IL1RAPL2: variants seen among roughly 807,000 people sequenced by gnomAD.
IL1RAPL2 encodes the protein X-linked interleukin-1 receptor accessory protein-like 2.
IL1RAPL2 carries 3 observed loss-of-function variants against 44.1 expected under a neutral mutation model. The ratio of observed to expected loss-of-function variants is 0.07; its 90% CI spans 0.03 to 0.18. IL1RAPL2 has a LOEUF of 0.18. Among genes scored for constraint, IL1RAPL2 ranks in the 10% least tolerant of loss-of-function variants. The pLI is 1.00. For missense variants in IL1RAPL2, 391 were observed against 496.4 expected, an observed-to-expected ratio of 0.79 and a Z score of 2.02; for synonymous variants, 181 against 178.8, an observed-to-expected ratio of 1.01 and a Z score of -0.10.
At chrX:104,595,161 C>T (rs1474038679) in intron 1 of IL1RAPL2, among the ~76,000 whole-genome samples, 1 of 111,297 alleles carries the variant, frequency 9.0e-6, no homozygotes, top group Non-Finnish European at 1.9e-5. Context: ...ATGGTAGTCA[C>T]CTCAATGAGT....
intron 8 of IL1RAPL2, among the ~76,000 whole-genome samples, chrX:105,743,616 T>C (rs1422067823): frequency 8.9e-6 from 1 of 112,055 alleles, no homozygotes; most frequent in African/African-American, 3.2e-5. Context: ...TCTATTACTA[T>C]TGGATATTAT....
rs763315089 is a variant in IL1RAPL2 at position 104,595,154 on chromosome X, G to A, written c.-20+28103G>A. Among the ~76,000 whole-genome samples the A allele has an allele frequency of 4.3e-4, 48 of 111,743 alleles. No individual in the cohort carries two copies. The Admixed American group carries it at 4.6e-3, about 11-fold the overall frequency. ...GCTGCAGTGGTCCAGGAGAGAGATG[G>A]TAGTCACCTCAATGAGTGTGAATCC... On this transcript the variant is annotated intron_variant, in intron 1 of 10. Transcript: ENST00000372582.
chrX:105,548,311 C>G (rs1416616255), intron 6 of IL1RAPL2, among the ~76,000 whole-genome samples: 2 of 110,822 alleles, frequency 1.8e-5, no homozygotes, highest in African/African-American at 6.6e-5. Flanking sequence ...ACCATGAACA[C>G]TTATACCAGG....
intron 4 of IL1RAPL2, among the ~76,000 whole-genome samples, chrX:105,262,598 A>G (rs962880110): frequency 4.5e-5 from 5 of 111,535 alleles, no homozygotes; most frequent in Non-Finnish European, 9.4e-5. Flanking sequence ...TGAAGCTTAG[A>G]TTGATTTAGT....
chrX:105,420,175 G>A (rs989818987), intron 5 of IL1RAPL2, among the ~76,000 whole-genome samples: 1 of 110,304 alleles, frequency 9.1e-6, no homozygotes, highest in Non-Finnish European at 1.9e-5. Flanking sequence ...ACATTATAAA[G>A]CACCTAAAGT....
At chrX:105,338,808 C>G (rs2035048232) in intron 5 of IL1RAPL2, among the ~76,000 whole-genome samples, 1 of 111,669 alleles carries the variant, frequency 9.0e-6, no homozygotes, top group Non-Finnish European at 1.9e-5. Flanking sequence ...TCATTTAAAA[C>G]AGCAGCACAG....
intron 2 of IL1RAPL2, among the ~76,000 whole-genome samples, chrX:104,905,487 G>T (rs1382748930): frequency 3.6e-5 from 4 of 111,823 alleles, no homozygotes; most frequent in East Asian, 2.8e-4. Flanking sequence ...TGTATAAGGT[G>T]TAAAGAAGGG....
chrX:105,135,046 C>CA (rs56775338), intron 2 of IL1RAPL2, among the ~76,000 whole-genome samples: 7,178 of 57,340 alleles, frequency 0.13, 744 homozygotes, highest in African/African-American at 0.35. Context: ...TTCAGAGCTA[C>CA]AAAAAAAAAA....
intron 6 of IL1RAPL2, among the ~76,000 whole-genome samples, chrX:105,662,727 G>A (rs1307230259): frequency 1.8e-5 from 2 of 111,370 alleles, no homozygotes; most frequent in Admixed American, 1.9e-4. Context: ...CATGTCATGA[G>A]GACATTTAGG....
chrX:105,411,415 CA>C (rs930150665), intron 5 of IL1RAPL2, among the ~76,000 whole-genome samples: 1 of 111,281 alleles, frequency 9.0e-6, no homozygotes, highest in African/African-American at 3.3e-5. Context: ...GTGCTGCCTA[CA>C]AAAGGCTCAC....
At chrX:104,790,334 T>C (rs759120672) in intron 2 of IL1RAPL2, among the ~76,000 whole-genome samples, 25 of 111,464 alleles carry the variant, frequency 2.2e-4, no homozygotes, top group African/African-American at 8.2e-4. Context: ...TGCTTTGGTC[T>C]GTGCCATTGG....
chrX:104,974,667 A>G (rs1259455871), intron 2 of IL1RAPL2, among the ~76,000 whole-genome samples: 1 of 112,190 alleles, frequency 8.9e-6, no homozygotes, highest in East Asian at 2.8e-4. Context: ...AGAGTCCCCA[A>G]GCCACCAGAG....
chrX:105,637,683 T>C (rs2037534260), intron 6 of IL1RAPL2, among the ~76,000 whole-genome samples: 1 of 110,149 alleles, frequency 9.1e-6, no homozygotes, highest in Admixed American at 9.7e-5. Context: ...TTACCTCTCA[T>C]GTTCCTTTCC....
At chrX:104,682,078 G>A (rs1026034375) in intron 2 of IL1RAPL2, among the ~76,000 whole-genome samples, 20 of 111,949 alleles carry the variant, frequency 1.8e-4, no homozygotes, top group African/African-American at 6.5e-4. Flanking sequence ...GCATAATCTG[G>A]GTAACTCCAG....
intron 5 of IL1RAPL2, among the ~76,000 whole-genome samples, chrX:105,449,206 A>T (rs2035999362): frequency 9.0e-6 from 1 of 111,135 alleles, no homozygotes; most frequent in Admixed American, 9.6e-5. Flanking sequence ...CTTTCTAGGT[A>T]TTCAAAGGGT....
At chrX:105,075,552 C>G (rs1174021194) in intron 2 of IL1RAPL2, among the ~76,000 whole-genome samples, 1 of 108,514 alleles carries the variant, frequency 9.2e-6, no homozygotes, top group Non-Finnish European at 1.9e-5. Flanking sequence ...TGATGCTGGC[C>G]TCATAAAATG....
chrX:105,530,568 A>G (rs903674645), intron 6 of IL1RAPL2, among the ~76,000 whole-genome samples: 9 of 111,354 alleles, frequency 8.1e-5, no homozygotes, highest in Admixed American at 2.9e-4. Context: ...TTCCTCAAGC[A>G]TTTATCCTTT....
At chrX:104,814,555 A>T (rs1335635101) in intron 2 of IL1RAPL2, among the ~76,000 whole-genome samples, 1 of 111,857 alleles carries the variant, frequency 8.9e-6, no homozygotes, top group African/African-American at 3.2e-5. Context: ...CTGCCACCTT[A>T]TTGTACAAAG....
At chrX:104,602,101 C>T (rs192757057) in intron 1 of IL1RAPL2, among the ~76,000 whole-genome samples, 76 of 111,640 alleles carry the variant, frequency 6.8e-4, no homozygotes, top group African/African-American at 2.3e-3. Flanking sequence ...GACACAGAGA[C>T]GGGTGATTTC....
Sources: gnomAD v4.1 joint callset for allele counts (sites outside exome capture counted in the v4.1 genomes callset) on GRCh38, gnomAD v4.1.1 for gene constraint, MANE v1.5 for transcripts, NCBI Gene and HGNC (gene_info 2026-07-23, HGNC 2026-07-21) for gene names.